The following PPP1R12C variants were observed in gnomAD, a reference collection of about 807,000 sequenced individuals.
The protein encoded by PPP1R12C is protein phosphatase 1 regulatory subunit 12C, also known as leukocyte receptor cluster (LRC) encoded novel gene 3.
Under a neutral mutation model 95.6 loss-of-function variants are expected in PPP1R12C, and 48 were observed. The observed-to-expected ratio is 0.50, with a 90% confidence interval of 0.40 to 0.64. The LOEUF (loss-of-function observed/expected upper bound fraction) is 0.64, where lower values mean the gene tolerates loss of function less well. Among genes scored for constraint, PPP1R12C ranks in the 30% least tolerant of loss-of-function variants. PPP1R12C has a pLI of 0.00. For synonymous variants in PPP1R12C, 480 were observed against 460.8 expected (o/e 1.04, Z -0.53); for missense variants, 1,057 against 1,083.3 (o/e 0.98, Z 0.34).
At chr19:55,100,484 T>C (rs1602987883) in intron 4 of PPP1R12C, among the ~76,000 whole-genome samples, 2 of 152,286 alleles carry the variant, frequency 1.3e-5, no homozygotes, top group East Asian at 3.8e-4. Flanking sequence ...AGATCTGTCT[T>C]GTTTACCCAT....
Position 55,095,926 on chromosome 19 carries a change from C to T in PPP1R12C, c.1168G>A (p.Glu390Lys), listed in dbSNP as rs769527456. Residue 390 changes from glutamate to lysine, a missense_variant, in exon 9 of 22, where the codon GAA (glutamate) becomes AAA (lysine). By Grantham distance (56) the Glu-to-Lys change is moderately conservative (BLOSUM62 1). Transcript: ENST00000263433. The part of the protein sequence containing the change: ...EEGPTEPPPA[E>K]PRTLNGVSSP... ...GAGACGCCATTGAGGGTTCTGGGTT[C>T]TGCAGGGGGTGGTTCTGTGATGTGG... 6.2e-7 allele frequency: 1 copy of T among 1,613,190 alleles called. No homozygotes were observed. The highest frequency in any genetic ancestry group is 1.7e-5 in the Admixed American group (1 of 59,980).
intron 4 of PPP1R12C, among the ~76,000 whole-genome samples, chr19:55,101,575 G>GC (rs1240274075): frequency 1.3e-5 from 2 of 152,078 alleles, no homozygotes; most frequent in Admixed American, 1.3e-4. Flanking sequence ...TTGCTCCTTT[G>GC]CCCCCTCTCT....
chr19:55,113,410 G>A (rs779194994), intron 1 of PPP1R12C: 1 of 1,492,170 alleles, frequency 6.7e-7, no homozygotes, highest in South Asian at 1.3e-5. Flanking sequence ...CTGGGCCCCA[G>A]GCTGTCACAC....
At position 55,091,928 on chromosome 19, in the gene PPP1R12C, G is replaced by A; in HGVS notation, c.2161-19C>T. The A allele has an allele frequency of 6.2e-7, 1 of 1,612,896 alleles. No homozygotes were observed. The highest frequency in any genetic ancestry group is 8.5e-7 in the Non-Finnish European group (1 of 1,179,834). ...CTTGCCTCTGGTGAGGACACAGAAAGCACAGGGGTCAGCAGAAGAAGCCAG... is the reference window on the plus strand; with the variant it reads ...CTTGCCTCTGGTGAGGACACAGAAAACACAGGGGTCAGCAGAAGAAGCCAG... On this transcript the variant is annotated intron_variant, in intron 19 of 21. Coordinates refer to ENST00000263433, the MANE Select transcript of PPP1R12C (RefSeq NM_017607.4).
intron 4 of PPP1R12C, among the ~76,000 whole-genome samples, chr19:55,101,689 G>C (rs778618471): frequency 3.9e-5 from 6 of 152,180 alleles, no homozygotes; most frequent in Non-Finnish European, 8.8e-5. Flanking sequence ...TCCAGGCCTG[G>C]GCACATCACT....
chr19:55,091,450 G>C lies in PPP1R12C; in HGVS notation c.*22C>G. ...TGGCAGAAGCAGCTGTATAAATACG[G>C]GTGCGGGAAAGTCCCTCCGGGTCAC... On this transcript the variant is annotated 3_prime_UTR_variant, in exon 22 of 22. Coordinates refer to ENST00000263433, the MANE Select transcript of PPP1R12C (RefSeq NM_017607.4). 6.2e-7 allele frequency: 1 copy of C among 1,602,568 alleles called. No homozygotes were observed. Among genetic ancestry groups the C allele is most frequent in the Non-Finnish European group, 8.5e-7 (1 of 1,169,942 alleles).
intron 1 of PPP1R12C, among the ~76,000 whole-genome samples, chr19:55,115,725 C>A (rs1297836903): frequency 6.6e-6 from 1 of 152,162 alleles, no homozygotes; most frequent in East Asian, 1.9e-4. Flanking sequence ...AAGGAGGAGG[C>A]CTAAGGATGG....
At chr19:55,103,372 A>G (rs1392283614) in intron 4 of PPP1R12C, 37 bp downstream of exon 4, 6 of 1,421,544 alleles carry the variant, frequency 4.2e-6, no homozygotes, top group South Asian at 3.1e-5. Flanking sequence ...ACAGGAAGGT[A>G]TAAGACAGCA....
chr19:55,092,474 C>G lies in PPP1R12C; in HGVS notation c.2023G>C (p.Glu675Gln), dbSNP rs1341298334. The G allele has an allele frequency of 6.2e-7, 1 of 1,610,082 alleles. No homozygotes were observed. Among genetic ancestry groups the G allele is most frequent in the Admixed American group, 1.7e-5 (1 of 59,742 alleles). Reference protein sequence around the residue: ...QRDLNPEPEPESEEPDGGFRT... With the variant: ...QRDLNPEPEPQSEEPDGGFRT... ...AAGCCTCCGTCTGGCTCTTCCGATT[C>G]TGGCTCAGGTTCTGGGTTGAGGTCC... The change falls in exon 18 of 22, where the codon GAA (glutamate) becomes CAA (glutamine). Residue 675 changes from glutamate (E) to glutamine (Q), a missense_variant. Around this residue, in one of 5 missense-constraint regions of PPP1R12C, gnomAD observed 347 missense variants for 307.9 expected, o/e 1.13. Transcript: ENST00000263433.
At chr19:55,115,656 C>G (rs1385998934) in intron 1 of PPP1R12C, 1 of 152,162 alleles carries the variant, frequency 6.6e-6, no homozygotes, top group Non-Finnish European at 1.5e-5. Flanking sequence ...GGGTGTGTCA[C>G]CAGATAAGGA....
rs1463965893 is a variant in PPP1R12C, at chr19:55,095,299, G to A, written c.1446C>T (p.Pro482=). The A allele has an allele frequency of 6.3e-7, 1 of 1,577,352 alleles. No individual in the cohort carries two copies. Among genetic ancestry groups the A allele is most frequent in the Non-Finnish European group, 8.6e-7 (1 of 1,161,902 alleles). The change falls in exon 11 of 22, where the codon CCC becomes CCT. Residue 482 remains proline, a synonymous_variant. Transcript: ENST00000263433. ...AGGCCCTGGGGACTCACAGGACAGA[G>A]GGCTCCGGCAGCTTCGGGGAGGGGG... is the stretch of plus-strand genomic sequence containing the variant. ...TPTPSPKLPE[P]SVLSEVTKPP...
rs1301546955 is a variant in PPP1R12C, at chr19:55,096,143, ATCT to A, written c.1058_1060del (p.Lys353del). 13 of 1,599,948 alleles carry A rather than the reference ATCT, an allele frequency of 8.1e-6. No homozygotes were observed. The highest frequency in any genetic ancestry group is 1.7e-4 in the Middle Eastern group (1 of 5,980). On this transcript the variant is annotated inframe_deletion, in exon 8 of 22. Transcript: ENST00000263433. ...CTCCTTGGACAAGTCCTGGAGGGAA[ATCT>A]TCTCGCGACTGCTCAGACGACACAC...
Position 55,117,300 on chromosome 19 carries a change from G to A in PPP1R12C, c.244C>T (p.Leu82Phe), listed in dbSNP as rs1204466839. 12 of 1,208,942 alleles carry A rather than the reference G, an allele frequency of 9.9e-6. No homozygotes were observed. The highest frequency in any genetic ancestry group is 1.2e-5 in the Non-Finnish European group (12 of 974,610). The allele number at this position is 1,208,942 out of a possible 1,614,324, so 74.9% of individuals were successfully genotyped here. Residue 82 changes from leucine (L) to phenylalanine (F), a missense_variant, in exon 1 of 22, where the codon CTC becomes TTC. By Grantham distance (22) the Leu-to-Phe change is conservative. This residue lies in a region of PPP1R12C where 282 missense variants were observed against 380.4 expected (regional missense o/e 0.74). Coordinates refer to ENST00000263433, the MANE Select transcript of PPP1R12C (RefSeq NM_017607.4). ...RAADPGPGAE[L>F]DPAAPPPARA... ...GCGGGCGGCGGCGCGGCGGGGTCGA[G>A]CTCGGCGCCGGGGCCAGGGTCGGCG...
chr19:55,102,942 C>T (rs374122427), intron 4 of PPP1R12C, among the ~76,000 whole-genome samples: 1 of 152,194 alleles, frequency 6.6e-6, no homozygotes, highest in East Asian at 1.9e-4. Context: ...TGGCTTACAC[C>T]TGTAATCCCA....
At chr19:55,092,403 C>G (rs1462703467) in intron 18 of PPP1R12C, 39 bp downstream of exon 18, 2 of 1,579,344 alleles carry the variant, frequency 1.3e-6, no homozygotes, top group African/African-American at 2.7e-5. Context: ...AAGCTGGGCA[C>G]CCAGCAGGCA....
In PPP1R12C at chr19:55,095,566, A is replaced by T. The variant is rs866291154; in HGVS notation, c.1265T>A (p.Leu422His). The change falls in exon 10 of 22, where the codon CTC (leucine) becomes CAC (histidine). Residue 422 changes from leucine (L) to histidine (H), a missense_variant. This residue lies in a region of PPP1R12C where 356 missense variants were observed against 330.5 expected (regional missense o/e 1.08). Transcript: ENST00000263433. Reference protein sequence around the residue: ...EEAPFSRRFGLLKTGSSGALG... With the variant: ...EEAPFSRRFGHLKTGSSGALG... ...GGCACCAGAACTCCCTGTCTTCAGGAGGCCAAAGCGCCTGGAGAAGGGGGC... is the reference window on the plus strand; with the variant it reads ...GGCACCAGAACTCCCTGTCTTCAGGTGGCCAAAGCGCCTGGAGAAGGGGGC... 4 of 1,584,468 alleles carry T rather than the reference A, an allele frequency of 2.5e-6. No individual in the cohort carries two copies. The Middle Eastern group carries it at 5.1e-4, about 201-fold the overall frequency.
At chr19:55,097,746 A>G (rs2084938426) in intron 6 of PPP1R12C, among the ~76,000 whole-genome samples, 2 of 151,798 alleles carry the variant, frequency 1.3e-5, no homozygotes, top group Non-Finnish European at 2.9e-5. Flanking sequence ...CTTCTAGCAA[A>G]CTCTTAGTGC....
intron 3 of PPP1R12C, among the ~76,000 whole-genome samples, chr19:55,108,400 G>A (rs1431394584): frequency 1.3e-5 from 2 of 152,004 alleles, no homozygotes; most frequent in Non-Finnish European, 2.9e-5. Flanking sequence ...AGGCCAAGGT[G>A]GGTGGATCAC....
chr19:55,109,723 G>A lies in PPP1R12C; in HGVS notation c.571+2744C>T, dbSNP rs967144063. 3.3e-5 allele frequency among the ~76,000 whole-genome samples: 5 copies of A among 152,258 alleles called. No individual in the cohort carries two copies. Among genetic ancestry groups the A allele is most frequent in the African/African-American group, 4.8e-5 (2 of 41,472 alleles). Reference sequence around the variant, plus strand: ...GAGCCAGTCTGGATGCCAGCACCTCGGGGAATTCTGCATCATGTGGGCGTG... The same window carrying A: ...GAGCCAGTCTGGATGCCAGCACCTCAGGGAATTCTGCATCATGTGGGCGTG... On this transcript the variant is annotated intron_variant, in intron 3 of 21. Transcript: ENST00000263433. This position sits in a 1 kb window ranked among gnomAD's most constrained non-coding sequence, Gnocchi z 4.4.
Sources: allele counts gnomAD v4.1 joint callset (sites outside exome capture counted in the v4.1 genomes callset), GRCh38; gene constraint gnomAD v4.1.1; regional missense constraint gnomAD v4.1.1; non-coding constraint Gnocchi (gnomAD v3.1); transcripts MANE v1.5; gene names NCBI Gene and HGNC (gene_info 2026-07-23, HGNC 2026-07-21).